The following ATL2 variants were observed in gnomAD, a reference collection of about 807,000 sequenced individuals.
ATL2 encodes the protein atlastin GTPase 2, also known as atlastin-2.
In ATL2, 31 loss-of-function variants were observed where a neutral mutation model predicts 73.9. That is an observed-to-expected ratio of 0.42 (90% CI 0.32 to 0.57). ATL2 has a LOEUF of 0.57. Ranked by LOEUF, ATL2 falls within the 20% of genes least tolerant of loss-of-function variation. The pLI is 0.14. For missense variants in ATL2, 738 were observed against 702.6 expected, an observed-to-expected ratio of 1.05 and a Z score of -0.57; for synonymous variants, 291 against 237.5, an observed-to-expected ratio of 1.23 and a Z score of -2.07.
intron 1 of ATL2, among the ~76,000 whole-genome samples, chr2:38,348,515 A>G (rs970638420): frequency 4.6e-5 from 7 of 152,172 alleles, no homozygotes; most frequent in African/African-American, 1.7e-4. Flanking sequence ...AAAAGAACTC[A>G]AAAGTAATAA....
At chr2:38,348,940 C>A (rs1000234221) in intron 1 of ATL2, among the ~76,000 whole-genome samples, 7 of 152,106 alleles carry the variant, frequency 4.6e-5, no homozygotes, top group African/African-American at 1.7e-4. Flanking sequence ...CATCACTGGC[C>A]ATCAGAGAAA....
Position 38,332,616 on chromosome 2 carries a change from A to G in ATL2, c.363+10652T>C, listed in dbSNP as rs192510592. Among the ~76,000 whole-genome samples, 7 of 152,344 alleles carry G rather than the reference A, an allele frequency of 4.6e-5. No individual in the cohort carries two copies. In the East Asian group the frequency reaches 1.3e-3, roughly 29 times the overall value. ...GAATGACTTATATGGTAAGTAAATTATATCTCAGTAACACTGTTAAAGGAA... is the reference window on the plus strand; with the variant it reads ...GAATGACTTATATGGTAAGTAAATTGTATCTCAGTAACACTGTTAAAGGAA... On this transcript the variant is annotated intron_variant, in intron 2 of 12. Transcript: ENST00000378954.
intron 2 of ATL2, among the ~76,000 whole-genome samples, chr2:38,325,055 C>A (rs1431796115): frequency 1.3e-5 from 2 of 152,148 alleles, no homozygotes; most frequent in Middle Eastern, 3.2e-3. Context: ...GTATATCTTA[C>A]CACAATTTTA....
At chr2:38,347,789 A>G (rs1159116724) in intron 1 of ATL2, among the ~76,000 whole-genome samples, 1 of 116,472 alleles carries the variant, frequency 8.6e-6, no homozygotes, top group Admixed American at 7.7e-5. Context: ...TTTTTTTTTA[A>G]GGCAGAGCGC....
At chr2:38,341,365 G>A (rs557447739) in intron 2 of ATL2, among the ~76,000 whole-genome samples, 7 of 152,302 alleles carry the variant, frequency 4.6e-5, no homozygotes, top group South Asian at 2.1e-4. Context: ...AGCTGAGCAT[G>A]GTGGCTCATA....
chr2:38,325,671 C>CCAGT (rs1449009537), intron 2 of ATL2, among the ~76,000 whole-genome samples: 42 of 72,852 alleles, frequency 5.8e-4, no homozygotes, highest in Admixed American at 5.4e-3. Context: ...TACACACACA[C>CCAGT]ACACACACAC....
At chr2:38,321,826 C>G (rs1558407465) in intron 2 of ATL2, among the ~76,000 whole-genome samples, 1 of 152,156 alleles carries the variant, frequency 6.6e-6, no homozygotes, top group Non-Finnish European at 1.5e-5. Context: ...GATCCTCCTA[C>G]CTCAGCCTCC....
rs527677084 is a variant in ATL2 at position 38,325,085 on chromosome 2, G to T, written c.364-6066C>A. ...ATTTTAAAAAAAGTTGCCCTTGAGG[G>T]CTAACAAAACGGAAGGGGCAGACAC... On this transcript the variant is annotated intron_variant, in intron 2 of 12. Transcript: ENST00000378954. Among the ~76,000 whole-genome samples, 4 of 152,322 alleles carry T rather than the reference G, an allele frequency of 2.6e-5. No homozygotes were observed. The East Asian group carries it at 7.7e-4, about 29-fold the overall frequency.
intron 1 of ATL2, among the ~76,000 whole-genome samples, chr2:38,373,008 C>G (rs1261981697): frequency 6.7e-6 from 1 of 150,124 alleles, no homozygotes; most frequent in Admixed American, 6.6e-5. Context: ...CTGGTACATT[C>G]TTACATATAT....
intron 1 of ATL2, among the ~76,000 whole-genome samples, chr2:38,345,546 G>A (rs1669969764): frequency 3.9e-5 from 6 of 152,148 alleles, no homozygotes. Context: ...CACTTCAAAG[G>A]AGAATCTTTG....
chr2:38,321,014 G>C (rs1668291934), intron 2 of ATL2, among the ~76,000 whole-genome samples: 1 of 151,758 alleles, frequency 6.6e-6, no homozygotes, highest in Non-Finnish European at 1.5e-5. Context: ...AATTAGCCAG[G>C]CGTGGCGGCA....
intron 2 of ATL2, among the ~76,000 whole-genome samples, chr2:38,340,266 C>T (rs946792451): frequency 1.3e-5 from 2 of 148,954 alleles, no homozygotes; most frequent in Non-Finnish European, 3.0e-5. Flanking sequence ...GGGTGTATAC[C>T]TATGTAAAAT....
In ATL2 at chr2:38,328,792, C is replaced by A. The variant is rs59913357; in HGVS notation, c.364-9773G>T. Among the ~76,000 whole-genome samples, 1,109 of 151,456 alleles carry A rather than the reference C, an allele frequency of 7.3e-3. 17 individuals are homozygous for A. Among genetic ancestry groups the A allele is most frequent in the East Asian group, 0.058 (297 of 5,150 alleles). On this transcript the variant is annotated intron_variant, in intron 2 of 12. Coordinates refer to ENST00000378954, the MANE Select transcript of ATL2 (RefSeq NM_001135673.4). The stretch of plus-strand genomic sequence containing the variant: ...AACTGGAAAAGAAGAGCAATATAAA[C>A]CTAAAGTAAGATGAATAAAATCAGA...
chr2:38,314,334 CTTAAG>C (rs1667913118), intron 6 of ATL2, among the ~76,000 whole-genome samples: 1 of 152,094 alleles, frequency 6.6e-6, no homozygotes, highest in African/African-American at 2.4e-5. Context: ...TTCCTATTGT[CTTAAG>C]TTTAGAATAA....
intron 2 of ATL2, among the ~76,000 whole-genome samples, chr2:38,338,581 C>A (rs954182180): frequency 6.6e-6 from 1 of 152,160 alleles, no homozygotes; most frequent in Admixed American, 6.5e-5. Context: ...CTCTTCCCAA[C>A]AGAAGAATCC....
Position 38,298,227 on chromosome 2 carries a change from T to G in ATL2, c.1549A>C (p.Thr517Pro), listed in dbSNP as rs760884439. ...VMGLALIFLC[T>P]WAYVKYSGEF... ...CCAGAGTATTTAACATATGCCCAAG[T>G]ACAAAGAAATATCAGTGCTAACCCC... is the stretch of plus-strand genomic sequence containing the variant. Residue 517 changes from threonine (T) to proline (P), a missense_variant, in exon 12 of 13, where the codon ACT becomes CCT. Coordinates refer to ENST00000378954, the MANE Select transcript of ATL2 (RefSeq NM_001135673.4). 6.2e-7 allele frequency: 1 copy of G among 1,613,982 alleles called. No individual in the cohort carries two copies. Among genetic ancestry groups the G allele is most frequent in the African/African-American group, 1.3e-5 (1 of 74,920 alleles).
At chr2:38,372,229 A>G (rs1310418467) in intron 1 of ATL2, among the ~76,000 whole-genome samples, 4 of 150,784 alleles carry the variant, frequency 2.7e-5, no homozygotes, top group Non-Finnish European at 5.9e-5. Context: ...TCAGCCCTCC[A>G]TATCTATGGG....
intron 2 of ATL2, among the ~76,000 whole-genome samples, chr2:38,338,442 CT>C (rs1669502480): frequency 6.6e-6 from 1 of 152,020 alleles, no homozygotes; most frequent in Non-Finnish European, 1.5e-5. Context: ...CATATAGCCC[CT>C]GATTCTAAAA....
At chr2:38,328,586 G>GA in intron 2 of ATL2, among the ~76,000 whole-genome samples, 1 of 152,132 alleles carries the variant, frequency 6.6e-6, no homozygotes, top group South Asian at 2.1e-4. Context: ...AATGACACAG[G>GA]AGTCAAGGAA....
Sources: gnomAD v4.1 joint callset for allele counts (sites outside exome capture counted in the v4.1 genomes callset) on GRCh38, gnomAD v4.1.1 for gene constraint, MANE v1.5 for transcripts, NCBI Gene and HGNC (gene_info 2026-07-23, HGNC 2026-07-21) for gene names.